Variants in SYT1 observed in about 807,000 individuals in gnomAD.
SYT1 encodes the protein synaptotagmin 1, also known as synaptotagmin-1.
SYT1 carries 8 observed loss-of-function variants against 44.8 expected under a neutral mutation model. The ratio of observed to expected loss-of-function variants is 0.18; its 90% CI spans 0.10 to 0.32. The LOEUF (loss-of-function observed/expected upper bound fraction) is 0.32. Among genes scored for constraint, SYT1 ranks in the 10% least tolerant of loss-of-function variants. The pLI, the probability that SYT1 is intolerant of heterozygous loss-of-function variation, is 1.00. For missense variants in SYT1, 286 were observed against 509.3 expected (o/e 0.56, Z 4.22); for synonymous variants, 154 against 188.8 (o/e 0.82, Z 1.51).
intron 9 of SYT1, among the ~76,000 whole-genome samples, chr12:79,421,465 T>G (rs1286155472): frequency 6.6e-6 from 1 of 152,136 alleles, no homozygotes; most frequent in South Asian, 2.1e-4. Context: ...GGTCACACTT[T>G]GGAAAAATGC....
chr12:79,292,397 T>C (rs931448774), intron 6 of SYT1, among the ~76,000 whole-genome samples: 5 of 152,206 alleles, frequency 3.3e-5, no homozygotes, highest in Non-Finnish European at 7.3e-5. Flanking sequence ...CTTGAAGCAG[T>C]CGGTCTGCTT....
chr12:79,305,153 A>G (rs1440130075), intron 8 of SYT1, among the ~76,000 whole-genome samples: 1 of 152,226 alleles, frequency 6.6e-6, no homozygotes, highest in Non-Finnish European at 1.5e-5. Flanking sequence ...TTCTGGTTAA[A>G]AAGACTTTTC....
chr12:78,994,728 G>T (rs568719639), intron 2 of SYT1, among the ~76,000 whole-genome samples: 25 of 151,668 alleles, frequency 1.6e-4, no homozygotes, highest in Non-Finnish European at 3.1e-4. Flanking sequence ...GTAGATACGG[G>T]GTTTCACCTT....
At chr12:79,333,913 CTT>C (rs954201155) in intron 8 of SYT1, among the ~76,000 whole-genome samples, 1 of 152,098 alleles carries the variant, frequency 6.6e-6, no homozygotes, top group Admixed American at 6.6e-5. Context: ...ATTGTTTTCT[CTT>C]TGTCTTGTTT....
At chr12:78,908,895 TTA>T (rs1876147353) in intron 1 of SYT1, among the ~76,000 whole-genome samples, 1 of 151,976 alleles carries the variant, frequency 6.6e-6, no homozygotes, top group African/African-American at 2.4e-5. Flanking sequence ...CTGATCTCTA[TTA>T]TATGTTTCAT....
chr12:79,291,052 AT>A (rs1205169680), intron 5 of SYT1, among the ~76,000 whole-genome samples: 1 of 152,192 alleles, frequency 6.6e-6, no homozygotes, highest in Non-Finnish European at 1.5e-5. Context: ...AACCTTTGAT[AT>A]TTTTAGCAAA....
chr12:78,875,864 G>C (rs940656653), intron 1 of SYT1, among the ~76,000 whole-genome samples: 1 of 151,542 alleles, frequency 6.6e-6, no homozygotes, highest in Non-Finnish European at 1.5e-5. Flanking sequence ...AAGAGTAGCT[G>C]CTTTTCTTTT....
intron 4 of SYT1, among the ~76,000 whole-genome samples, chr12:79,250,243 A>T (rs1877116926): frequency 6.6e-6 from 1 of 152,170 alleles, no homozygotes; most frequent in Non-Finnish European, 1.5e-5. Flanking sequence ...CCTTCCAGGA[A>T]AAAAAGGAAC....
At chr12:79,309,876 T>C (rs145457440) in intron 8 of SYT1, among the ~76,000 whole-genome samples, 1,647 of 152,274 alleles carry the variant, frequency 0.011, 26 homozygotes, top group African/African-American at 0.036. Flanking sequence ...TGTTTTTTTC[T>C]TGTAAATTTG....
chr12:79,169,286 A>G (rs1351947656), intron 3 of SYT1, among the ~76,000 whole-genome samples: 1 of 152,026 alleles, frequency 6.6e-6, no homozygotes, highest in Non-Finnish European at 1.5e-5. Flanking sequence ...AATTTTATAA[A>G]CTGCATTAAA....
chr12:79,001,824 G>A (rs1289220836), intron 2 of SYT1, among the ~76,000 whole-genome samples: 1 of 151,944 alleles, frequency 6.6e-6, no homozygotes, highest in Admixed American at 6.6e-5. Context: ...TTCCTGATGT[G>A]AAGTTTATCT....
intron 8 of SYT1, among the ~76,000 whole-genome samples, chr12:79,330,950 T>C (rs1881827055): frequency 6.6e-6 from 1 of 152,214 alleles, no homozygotes; most frequent in Non-Finnish European, 1.5e-5. Flanking sequence ...CTAACATCTT[T>C]CAGGCATACA....
intron 1 of SYT1, among the ~76,000 whole-genome samples, chr12:78,964,887 A>G (rs1457027666): frequency 6.6e-6 from 1 of 152,178 alleles, no homozygotes; most frequent in East Asian, 1.9e-4. Context: ...TTACTTTTAT[A>G]TATAACAAGG....
chr12:79,179,121 G>T (rs921595052), intron 3 of SYT1, among the ~76,000 whole-genome samples: 6 of 121,986 alleles, frequency 4.9e-5, no homozygotes, highest in African/African-American at 1.7e-4. Flanking sequence ...TATAGATATA[G>T]ATATAGATAT....
At chr12:79,156,395 T>A (rs1026976091) in intron 3 of SYT1, among the ~76,000 whole-genome samples, 3 of 152,174 alleles carry the variant, frequency 2.0e-5, no homozygotes, top group Non-Finnish European at 4.4e-5. Context: ...ACCCCCAAAC[T>A]GCCTGAAAAC....
intron 3 of SYT1, among the ~76,000 whole-genome samples, chr12:79,140,368 T>C (rs1199960237): frequency 6.6e-6 from 1 of 152,184 alleles, no homozygotes; most frequent in African/African-American, 2.4e-5. Flanking sequence ...TTCTTGTGTC[T>C]ATAAAAAACT....
At chr12:78,897,548 A>T (rs2137088215) in intron 1 of SYT1, among the ~76,000 whole-genome samples, 1 of 152,104 alleles carries the variant, frequency 6.6e-6, no homozygotes, top group Non-Finnish European at 1.5e-5. Context: ...CTTTATCCTG[A>T]TCCTTTAAAA....
intron 2 of SYT1, among the ~76,000 whole-genome samples, chr12:79,033,551 C>T (rs530875276): frequency 6.6e-6 from 1 of 151,418 alleles, no homozygotes; most frequent in African/African-American, 2.4e-5. Context: ...TGGTGAGCTT[C>T]TTTCTTGCAT....
intron 8 of SYT1, among the ~76,000 whole-genome samples, chr12:79,348,143 G>T (rs1401651844): frequency 1.3e-5 from 2 of 152,146 alleles, no homozygotes; most frequent in Non-Finnish European, 2.9e-5. Flanking sequence ...AAGTAAAAAG[G>T]GAAGATCTCA....
Sources: gnomAD v4.1 joint callset for allele counts (sites outside exome capture counted in the v4.1 genomes callset) on GRCh38, gnomAD v4.1.1 for gene constraint, MANE v1.5 for transcripts, NCBI Gene and HGNC (gene_info 2026-07-23, HGNC 2026-07-21) for gene names.